Variants in ESR1 observed in about 807,000 individuals in gnomAD.
ESR1 encodes the protein estrogen receptor.
In ESR1, 12 loss-of-function variants were observed where a neutral mutation model predicts 52.7. The ratio of observed to expected loss-of-function variants is 0.23; its 90% CI spans 0.15 to 0.37. The LOEUF (loss-of-function observed/expected upper bound fraction) is 0.37. Ranked by LOEUF, ESR1 falls within the 10% of genes least tolerant of loss-of-function variation. ESR1 has a pLI of 1.00. For synonymous variants in ESR1, 305 were observed against 316.8 expected, an observed-to-expected ratio of 0.96 and a Z score of 0.39; for missense variants, 584 against 779.7, an observed-to-expected ratio of 0.75 and a Z score of 2.99.
At chr6:152,038,842 G>T (rs995181292) in intron 5 of ESR1, among the ~76,000 whole-genome samples, 2 of 152,058 alleles carry the variant, frequency 1.3e-5, no homozygotes, top group African/African-American at 2.4e-5. Flanking sequence ...TCCTGGCCAG[G>T]CTGGTCTTGA....
At chr6:151,814,358 A>T (rs1402568754) in intron 1 of ESR1, among the ~76,000 whole-genome samples, 1 of 152,204 alleles carries the variant, frequency 6.6e-6, no homozygotes, top group East Asian at 1.9e-4. Flanking sequence ...TTTCTAATAC[A>T]TAGAAGTTTA....
At chr6:152,013,553 C>G (rs2042944370) in intron 5 of ESR1, among the ~76,000 whole-genome samples, 1 of 152,086 alleles carries the variant, frequency 6.6e-6, no homozygotes, top group African/African-American at 2.4e-5. Context: ...TATCTATCTT[C>G]TTGAGTACAC....
intron 3 of ESR1, among the ~76,000 whole-genome samples, chr6:151,911,830 A>G (rs1429598797): frequency 1.3e-5 from 2 of 152,188 alleles, no homozygotes; most frequent in Non-Finnish European, 2.9e-5. Context: ...TGATTCTGAC[A>G]TGCACCCGGC....
exon 7 of ESR1, chr6:152,127,997 T>C (rs542328269): frequency 1.3e-5 from 2 of 152,328 alleles, no homozygotes; most frequent in East Asian, 3.9e-4. Context: ...AAGGCAATTT[T>C]GCATTTTACA....
At chr6:151,941,981 G>A (rs990893505) in intron 3 of ESR1, among the ~76,000 whole-genome samples, 1 of 152,130 alleles carries the variant, frequency 6.6e-6, no homozygotes, top group Admixed American at 6.6e-5. Context: ...TATATAACCT[G>A]ATTTCATGTC....
chr6:151,792,599 C>T (rs1776275679), intron 2 of ESR1, among the ~76,000 whole-genome samples: 1 of 151,896 alleles, frequency 6.6e-6, no homozygotes, highest in South Asian at 2.1e-4. Context: ...ACTACTGCAC[C>T]CAGCTAATTT....
chr6:151,992,768 A>T (rs1377749228), intron 4 of ESR1, among the ~76,000 whole-genome samples: 1 of 151,940 alleles, frequency 6.6e-6, no homozygotes, highest in Non-Finnish European at 1.5e-5. Context: ...TTTTTTTGTG[A>T]CTCGTGTAGA....
At chr6:151,825,079 C>T (rs1398022367) in intron 1 of ESR1, among the ~76,000 whole-genome samples, 1 of 151,968 alleles carries the variant, frequency 6.6e-6, no homozygotes, top group Non-Finnish European at 1.5e-5. Flanking sequence ...AAGAGTATTT[C>T]AGAGAAATAA....
chr6:152,097,954 G>A (rs2050755219), intron 7 of ESR1, among the ~76,000 whole-genome samples: 1 of 152,232 alleles, frequency 6.6e-6, no homozygotes, highest in South Asian at 2.1e-4. Flanking sequence ...AGAACGGTGT[G>A]AAAGAGGAAG....
At chr6:152,052,148 G>A (rs1440393848) in intron 5 of ESR1, among the ~76,000 whole-genome samples, 1 of 152,182 alleles carries the variant, frequency 6.6e-6, no homozygotes, top group East Asian at 1.9e-4. Context: ...GCAAAGGAGA[G>A]AGCAAGAGAG....
chr6:151,910,811 AATATAT>A (rs1474854797), intron 3 of ESR1, among the ~76,000 whole-genome samples: 1 of 152,168 alleles, frequency 6.6e-6, no homozygotes, highest in Non-Finnish European at 1.5e-5. Context: ...CGATGTACAT[AATATAT>A]TAATACACAA....
intron 6 of ESR1, among the ~76,000 whole-genome samples, chr6:152,117,490 G>A (rs2051223860): frequency 6.6e-6 from 1 of 152,160 alleles, no homozygotes; most frequent in African/African-American, 2.4e-5. Flanking sequence ...TTCAAATTCA[G>A]TTATGTTCCC....
chr6:151,905,747 ATTT>A (rs1338609180), intron 3 of ESR1, among the ~76,000 whole-genome samples: 1 of 152,218 alleles, frequency 6.6e-6, no homozygotes, highest in African/African-American at 2.4e-5. Flanking sequence ...TATAAGAAAG[ATTT>A]CATGAGAATC....
intron 1 of ESR1, among the ~76,000 whole-genome samples, chr6:151,832,651 A>G (rs900571277): frequency 6.6e-6 from 1 of 152,192 alleles, no homozygotes; most frequent in African/African-American, 2.4e-5. Flanking sequence ...TGCTTCTGGC[A>G]AAATTGTTCT....
chr6:151,877,284 C>T (rs893889841), intron 2 of ESR1, among the ~76,000 whole-genome samples: 4 of 152,062 alleles, frequency 2.6e-5, no homozygotes, highest in African/African-American at 9.7e-5. Context: ...GCTTTAATAA[C>T]ACATATTGAC....
At chr6:151,823,474 C>G (rs566750658) in intron 1 of ESR1, among the ~76,000 whole-genome samples, 183 of 151,678 alleles carry the variant, frequency 1.2e-3, no homozygotes, top group Non-Finnish European at 2.2e-3. Flanking sequence ...TTTTGTTTTT[C>G]TTTTTTTCTA....
intron 6 of ESR1, among the ~76,000 whole-genome samples, chr6:152,081,199 T>A (rs2049176426): frequency 6.6e-6 from 1 of 152,172 alleles, no homozygotes; most frequent in Non-Finnish European, 1.5e-5. Context: ...ATTGCACTTA[T>A]TTTAAAATTG....
At chr6:152,048,378 A>AG (rs1284518031) in intron 5 of ESR1, among the ~76,000 whole-genome samples, 13 of 151,596 alleles carry the variant, frequency 8.6e-5, no homozygotes, top group Non-Finnish European at 1.6e-4. Flanking sequence ...AAAAAAAAAA[A>AG]AAAAAGTCAC....
intron 1 of ESR1, among the ~76,000 whole-genome samples, chr6:151,684,262 T>C (rs1343763428): frequency 2.6e-5 from 4 of 151,840 alleles, no homozygotes; most frequent in African/African-American, 7.3e-5. Flanking sequence ...CTGACCTAGA[T>C]AGAGAAGGGG....
Sources: allele counts gnomAD v4.1 joint callset (sites outside exome capture counted in the v4.1 genomes callset), GRCh38; gene constraint gnomAD v4.1.1; transcripts MANE v1.5; gene names NCBI Gene and HGNC (gene_info 2026-07-23, HGNC 2026-07-21).